DACH2: variants seen among roughly 807,000 people sequenced by gnomAD.
The protein encoded by DACH2 is dachshund homolog 2.
DACH2 carries 17 observed loss-of-function variants against 35.8 expected under a neutral mutation model. That is an observed-to-expected ratio of 0.48 (90% CI 0.33 to 0.71). DACH2 has a LOEUF of 0.71. DACH2 is among the 30% of genes least tolerant of loss of function. The pLI, the probability that DACH2 is intolerant of heterozygous loss-of-function variation, is 0.02. For synonymous variants in DACH2, 195 were observed against 177.3 expected (o/e 1.10, Z -0.79); for missense variants, 469 against 472.7 (o/e 0.99, Z 0.07).
chrX:86,593,124 T>A (rs1401812591), intron 3 of DACH2, among the ~76,000 whole-genome samples: 1 of 111,309 alleles, frequency 9.0e-6, no homozygotes, highest in Non-Finnish European at 1.9e-5. Flanking sequence ...TTTCTGACCA[T>A]TAAGTATAAT....
At chrX:86,679,641 TGTGTG>T (rs2040858578) in intron 4 of DACH2, among the ~76,000 whole-genome samples, 1 of 108,334 alleles carries the variant, frequency 9.2e-6, no homozygotes, top group Non-Finnish European at 1.9e-5. Context: ...TGTGTGTGTG[TGTGTG>T]TGTGTGTGTG....
chrX:86,247,324 A>T (rs1338186092), intron 1 of DACH2, among the ~76,000 whole-genome samples: 3 of 111,529 alleles, frequency 2.7e-5, no homozygotes, highest in African/African-American at 9.8e-5. Context: ...AAGATCAATG[A>T]AACCAAAGTT....
chrX:86,333,761 A>C (rs1450602446), intron 1 of DACH2, among the ~76,000 whole-genome samples: 1 of 111,330 alleles, frequency 9.0e-6, no homozygotes, highest in East Asian at 2.8e-4. Context: ...ATACTTATTA[A>C]TTTTTTTTAA....
chrX:86,347,349 G>C (rs2148067563), intron 1 of DACH2, among the ~76,000 whole-genome samples: 1 of 112,634 alleles, frequency 8.9e-6, no homozygotes, highest in South Asian at 3.6e-4. Flanking sequence ...AGTCAGCAAA[G>C]AGAATTTGGT....
intron 1 of DACH2, among the ~76,000 whole-genome samples, chrX:86,240,953 T>G (rs2033154935): frequency 8.9e-6 from 1 of 111,797 alleles, no homozygotes; most frequent in Non-Finnish European, 1.9e-5. Flanking sequence ...TAGCCATGCT[T>G]CCTCTACAGC....
rs2030241896 is a variant in DACH2, at chrX:86,148,662, C to T, written c.42C>T (p.Ser14=). 1.7e-6 allele frequency: 2 copies of T among 1,190,334 alleles called. No individual in the cohort carries two copies. Among genetic ancestry groups the T allele is most frequent in the Admixed American group, 2.3e-5 (1 of 43,281 alleles). ...SASPVISATS[S]GAGVPGGLFR... The stretch of plus-strand genomic sequence containing the variant: ...CTCCAGTGATCTCTGCAACTTCCAG[C>T]GGCGCCGGCGTCCCGGGGGGCTTAT... Residue 14 remains serine (S), a synonymous_variant, in exon 1 of 12, where the codon AGC becomes AGT. Transcript: ENST00000373125.
intron 1 of DACH2, among the ~76,000 whole-genome samples, chrX:86,170,098 G>A (rs1272559541): frequency 1.8e-5 from 2 of 111,872 alleles, no homozygotes; most frequent in East Asian, 5.6e-4. Context: ...TAGAGGTACT[G>A]CCTTGATGGT....
Position 86,619,452 on chromosome X carries a change from G to A in DACH2, c.641-31584G>A, listed in dbSNP as rs367733334. 3.5e-4 allele frequency among the ~76,000 whole-genome samples: 39 copies of A among 111,872 alleles called. No homozygotes were observed. In the East Asian group the frequency reaches 4.8e-3, roughly 14 times the overall value. On this transcript the variant is annotated intron_variant, in intron 3 of 11. Transcript: ENST00000373125. ...TAATGACATAAGTAGGGACAAGAGCGGATATAGCAGAAATGATTTTAATGT... is the reference window on the plus strand; with the variant it reads ...TAATGACATAAGTAGGGACAAGAGCAGATATAGCAGAAATGATTTTAATGT...
In DACH2 at chrX:86,571,195, T is replaced by C. The variant is rs186083613; in HGVS notation, c.640+56804T>C. Among the ~76,000 whole-genome samples the C allele has an allele frequency of 1.4e-3, 155 of 111,422 alleles. 1 individual carries two copies. Among genetic ancestry groups the C allele is most frequent in the African/African-American group, 4.7e-3 (144 of 30,761 alleles). Reference sequence around the variant, plus strand: ...CCAGAATCATTTGTTAAAAATCTTTTCCACAGGGAATTACCTTGGCAACTT... The same window carrying C: ...CCAGAATCATTTGTTAAAAATCTTTCCCACAGGGAATTACCTTGGCAACTT... On this transcript the variant is annotated intron_variant, in intron 3 of 11. Coordinates refer to ENST00000373125, the MANE Select transcript of DACH2 (RefSeq NM_053281.3).
At chrX:86,187,527 C>T (rs5967690) in intron 1 of DACH2, among the ~76,000 whole-genome samples, 12,888 of 107,399 alleles carry the variant, frequency 0.12, 1,979 homozygotes, top group African/African-American at 0.41. Context: ...AAGTGATCCT[C>T]GTGTCTCAGT....
chrX:86,782,107 AT>A (rs2042094636), intron 7 of DACH2, among the ~76,000 whole-genome samples: 1 of 112,012 alleles, frequency 8.9e-6, no homozygotes, highest in African/African-American at 3.2e-5. Flanking sequence ...GACACATAAA[AT>A]TCAATGCCTA....
chrX:86,516,043 G>A (rs772180956), intron 3 of DACH2, among the ~76,000 whole-genome samples: 1 of 112,072 alleles, frequency 8.9e-6, no homozygotes, highest in South Asian at 3.7e-4. Flanking sequence ...TGATAGGCTG[G>A]ATGATGGTAT....
At chrX:86,713,544 A>G (rs1353969329) in intron 5 of DACH2, among the ~76,000 whole-genome samples, 1 of 112,046 alleles carries the variant, frequency 8.9e-6, no homozygotes. Context: ...AAAAATTATA[A>G]GCAGGGATAT....
intron 11 of DACH2, among the ~76,000 whole-genome samples, chrX:86,824,834 T>A (rs746652272): frequency 1.2e-4 from 14 of 112,307 alleles, no homozygotes; most frequent in Non-Finnish European, 2.4e-4. Context: ...CCTCAAATCT[T>A]ACTATTTCCT....
chrX:86,494,789 C>A (rs750031524), intron 2 of DACH2, among the ~76,000 whole-genome samples: 43 of 112,047 alleles, frequency 3.8e-4, no homozygotes, highest in Non-Finnish European at 7.3e-4. Context: ...CCAAAATTAT[C>A]AATTGCAATA....
intron 5 of DACH2, among the ~76,000 whole-genome samples, chrX:86,700,569 A>C (rs1244233481): frequency 9.0e-6 from 1 of 110,740 alleles, no homozygotes; most frequent in Non-Finnish European, 1.9e-5. Flanking sequence ...TTGTTCTTTG[A>C]AAAAAATAAT....
intron 7 of DACH2, among the ~76,000 whole-genome samples, chrX:86,808,160 C>T (rs1034475987): frequency 8.9e-6 from 1 of 112,056 alleles, no homozygotes; most frequent in East Asian, 2.8e-4. Context: ...AATGTATCCG[C>T]TCCTTAATGA....
chrX:86,612,416 T>C, intron 3 of DACH2, among the ~76,000 whole-genome samples: 1 of 110,832 alleles, frequency 9.0e-6, no homozygotes, highest in Admixed American at 9.7e-5. Flanking sequence ...CACTAGGAAC[T>C]ACATAAGAAT....
intron 4 of DACH2, among the ~76,000 whole-genome samples, chrX:86,652,074 C>A (rs1186898703): frequency 9.0e-6 from 1 of 111,350 alleles, no homozygotes. Flanking sequence ...AGTTTTATTT[C>A]TTTTCTGAAC....
Sources: allele counts gnomAD v4.1 joint callset (sites outside exome capture counted in the v4.1 genomes callset), GRCh38; gene constraint gnomAD v4.1.1; transcripts MANE v1.5; gene names NCBI Gene and HGNC (gene_info 2026-07-23, HGNC 2026-07-21).